KLHL13: variants seen among roughly 807,000 people sequenced by gnomAD.
The protein encoded by KLHL13 is kelch like family member 13.
A neutral mutation model predicts 37.1 loss-of-function variants in KLHL13; 10 were observed. The ratio of observed to expected loss-of-function variants is 0.27; its 90% CI spans 0.17 to 0.46. KLHL13 has a LOEUF of 0.46. KLHL13 is among the 20% of genes least tolerant of loss of function. KLHL13 has a pLI of 1.00. For missense variants in KLHL13, 360 were observed against 509.3 expected (o/e 0.71, Z 2.82); for synonymous variants, 163 against 181.2 (o/e 0.90, Z 0.81).
In KLHL13 at chrX:118,086,672, CAT is replaced by C. The variant is rs1242719019; in HGVS notation, c.-56+29834_-56+29835del. 2.7e-5 allele frequency among the ~76,000 whole-genome samples: 3 copies of C among 111,853 alleles called. No homozygotes were observed. The East Asian group carries it at 8.4e-4, about 31-fold the overall frequency. ...TTGTGTTTAAAAGAGGATATACACA[CAT>C]GCTTGTATTTGCATAGAAAACATCT... On this transcript the variant is annotated intron_variant, in intron 1 of 6. Coordinates refer to the KLHL13 transcript ENST00000371882.
chrX:117,944,358 A>G (rs755283957), intron 2 of KLHL13, among the ~76,000 whole-genome samples: 94 of 111,522 alleles, frequency 8.4e-4, no homozygotes, highest in African/African-American at 2.9e-3. Flanking sequence ...AGCTCCAATT[A>G]GAAACGGAAA....
At chrX:117,926,824 G>A (rs1250842498) in intron 2 of KLHL13, among the ~76,000 whole-genome samples, 1 of 97,000 alleles carries the variant, frequency 1.0e-5, no homozygotes, top group Non-Finnish European at 2.0e-5. Context: ...AGGGCATCAC[G>A]TAAGCTGGAA....
Position 118,107,101 on chromosome X carries a change from C to A in KLHL13, c.-56+9407G>T, listed in dbSNP as rs995174910. 7.2e-5 allele frequency among the ~76,000 whole-genome samples: 8 copies of A among 111,865 alleles called. 1 individual carries two copies. The highest frequency in any genetic ancestry group is 2.3e-4 in the African/African-American group (7 of 30,804). ...TGTGACCCCTGTGATTATCAGAAAACCAAATGTTTTCATGTTTAAAAGATA... is the reference window on the plus strand; with the variant it reads ...TGTGACCCCTGTGATTATCAGAAAAACAAATGTTTTCATGTTTAAAAGATA... On this transcript the variant is annotated intron_variant, in intron 1 of 6. Coordinates refer to the KLHL13 transcript ENST00000371882.
chrX:118,025,217 A>T (rs2054261513), intron 1 of KLHL13, among the ~76,000 whole-genome samples: 1 of 111,612 alleles, frequency 9.0e-6, no homozygotes, highest in African/African-American at 3.3e-5. Flanking sequence ...CCTAGCCCAG[A>T]TGATAGTACA....
chrX:117,991,137 T>TAAAAATAAAAAAAAAAAAA (rs1556333874), intron 1 of KLHL13, among the ~76,000 whole-genome samples: 9 of 83,887 alleles, frequency 1.1e-4, no homozygotes, highest in Non-Finnish European at 1.9e-4. Flanking sequence ...CATTAAAAAG[T>TAAAAATAAAAAAAAAAAAA]AAAAAAAAAA....
intron 2 of KLHL13, among the ~76,000 whole-genome samples, chrX:117,943,992 T>C (rs1602578996): frequency 1.8e-5 from 2 of 111,369 alleles, no homozygotes; most frequent in East Asian, 2.8e-4. Flanking sequence ...TTAATGTTGG[T>C]GACCTTCAGA....
intron 1 of KLHL13, among the ~76,000 whole-genome samples, chrX:117,987,839 G>T (rs1024857206): frequency 1.8e-5 from 2 of 111,640 alleles, no homozygotes; most frequent in East Asian, 5.6e-4. Context: ...TGAAAAAACT[G>T]ACCAGTTGCC....
intron 5 of KLHL13, among the ~76,000 whole-genome samples, chrX:117,908,288 G>C (rs983483765): frequency 1.9e-5 from 2 of 107,151 alleles, no homozygotes; most frequent in African/African-American, 3.4e-5. Flanking sequence ...TACATGTGCA[G>C]AACGTGCTGT....
chrX:117,972,731 A>G (rs1424954386), exon 1 of KLHL13: 1 of 1,196,546 alleles, frequency 8.4e-7, no homozygotes, highest in East Asian at 3.0e-5. Flanking sequence ...TCTCACTTAC[A>G]TGTATGCTGG....
chrX:118,080,647 T>TA (rs946575066), intron 1 of KLHL13, among the ~76,000 whole-genome samples: 2 of 111,977 alleles, frequency 1.8e-5, no homozygotes, highest in Admixed American at 9.5e-5. Context: ...AGGGAACACT[T>TA]ATACACTGTT....
chrX:117,962,143 G>A (rs908302680), intron 1 of KLHL13, among the ~76,000 whole-genome samples: 7 of 106,510 alleles, frequency 6.6e-5, no homozygotes, highest in Non-Finnish European at 9.6e-5. Flanking sequence ...TCCGGTGGTC[G>A]AGGCTGCAGG....
Position 117,959,139 on chromosome X carries a change from G to A in KLHL13, c.99-13564C>T, listed in dbSNP as rs753057685. 9.0e-5 allele frequency among the ~76,000 whole-genome samples: 10 copies of A among 111,535 alleles called. No individual in the cohort carries two copies. In the South Asian group the frequency reaches 3.7e-3, roughly 42 times the overall value. On this transcript the variant is annotated intron_variant, in intron 1 of 6. Coordinates refer to ENST00000262820, the Ensembl canonical transcript of KLHL13. ...CTATATGCTTCAGCAACATTTCTAT[G>A]AAAAGTATATTAATGAACCAAGTCT...
intron 1 of KLHL13, among the ~76,000 whole-genome samples, chrX:118,087,894 G>A (rs1326280362): frequency 9.0e-6 from 1 of 111,313 alleles, no homozygotes; most frequent in African/African-American, 3.3e-5. Flanking sequence ...ACTTTTCCCA[G>A]GTCTCTTAAC....
chrX:118,039,407 G>A (rs1049486602), intron 1 of KLHL13, among the ~76,000 whole-genome samples: 1 of 112,150 alleles, frequency 8.9e-6, no homozygotes, highest in Non-Finnish European at 1.9e-5. Flanking sequence ...AGCTGACTGA[G>A]GAGCACTTGA....
chrX:118,048,039 G>A (rs890593821), intron 1 of KLHL13, among the ~76,000 whole-genome samples: 40 of 111,312 alleles, frequency 3.6e-4, no homozygotes, highest in Admixed American at 1.9e-3. Context: ...AAGTAAGACT[G>A]GGTTGTGTGG....
intron 1 of KLHL13, among the ~76,000 whole-genome samples, chrX:118,056,940 AATCT>A (rs780557143): frequency 8.9e-6 from 1 of 111,973 alleles, no homozygotes; most frequent in Non-Finnish European, 1.9e-5. Context: ...CGAGCACTTA[AATCT>A]ATCTATCTCA....
At chrX:118,098,723 C>A (rs1303359836) in intron 1 of KLHL13, among the ~76,000 whole-genome samples, 2 of 105,845 alleles carry the variant, frequency 1.9e-5, no homozygotes, top group African/African-American at 7.0e-5. Context: ...GGCACATATA[C>A]ACCATGGAAT....
intron 1 of KLHL13, among the ~76,000 whole-genome samples, chrX:118,101,052 T>C (rs1019292145): frequency 2.7e-5 from 3 of 111,975 alleles, no homozygotes; most frequent in African/African-American, 9.7e-5. Flanking sequence ...GTGTGTCCTT[T>C]TAAAATCTTC....
chrX:118,021,565 G>A (rs1028858423), intron 1 of KLHL13, among the ~76,000 whole-genome samples: 2 of 110,266 alleles, frequency 1.8e-5, no homozygotes, highest in African/African-American at 6.7e-5. Context: ...CAAAGGACAT[G>A]AACTCATCAT....
Sources: gnomAD v4.1 joint callset for allele counts (sites outside exome capture counted in the v4.1 genomes callset) on GRCh38, gnomAD v4.1.1 for gene constraint, MANE v1.5 for transcripts, NCBI Gene and HGNC (gene_info 2026-07-23, HGNC 2026-07-21) for gene names.